The following ARHGAP28 variants were observed in gnomAD, a reference collection of about 807,000 sequenced individuals.
ARHGAP28 encodes the protein rho GTPase-activating protein 28.
ARHGAP28 carries 56 observed loss-of-function variants against 90.7 expected under a neutral mutation model. The ratio of observed to expected loss-of-function variants is 0.62; its 90% CI spans 0.50 to 0.77. The LOEUF is 0.77. ARHGAP28 is among the 30% of genes least tolerant of loss of function. The pLI, the probability that ARHGAP28 is intolerant of heterozygous loss-of-function variation, is 0.00. For synonymous variants in ARHGAP28, 308 were observed against 323.3 expected (o/e 0.95, Z 0.51); for missense variants, 869 against 900.9 (o/e 0.96, Z 0.45).
intron 2 of ARHGAP28, chr18:6,835,992 C>T (rs1173311221): frequency 2.0e-5 from 3 of 152,162 alleles, no homozygotes; most frequent in East Asian, 1.9e-4. Flanking sequence ...GATGGAGCTA[C>T]AGGGGATTTG....
chr18:6,775,189 A>T (rs1053087888), intron 1 of ARHGAP28, among the ~76,000 whole-genome samples: 5 of 151,590 alleles, frequency 3.3e-5, no homozygotes, highest in African/African-American at 9.7e-5. Flanking sequence ...GTCCTTTGTG[A>T]TGGGTTTGGT....
chr18:6,764,970 GA>G, intron 1 of ARHGAP28, among the ~76,000 whole-genome samples: 2 of 149,994 alleles, frequency 1.3e-5, no homozygotes, highest in Middle Eastern at 3.5e-3. Flanking sequence ...ACTTACACTG[GA>G]AAAAAAAAGA....
At chr18:6,801,633 A>T (rs1045927359) in intron 1 of ARHGAP28, among the ~76,000 whole-genome samples, 2 of 152,076 alleles carry the variant, frequency 1.3e-5, no homozygotes, top group Non-Finnish European at 2.9e-5. Context: ...GACTTTTAAA[A>T]TTTGCTATAT....
chr18:6,872,604 A>G (rs2057098921), intron 7 of ARHGAP28, among the ~76,000 whole-genome samples: 1 of 151,672 alleles, frequency 6.6e-6, no homozygotes, highest in Non-Finnish European at 1.5e-5. Flanking sequence ...TTTCAATACC[A>G]CTCTTTCTGA....
intron 16 of ARHGAP28, among the ~76,000 whole-genome samples, chr18:6,908,492 C>T (rs996163557): frequency 2.6e-5 from 4 of 152,180 alleles, no homozygotes; most frequent in African/African-American, 9.7e-5. Context: ...GCCTTAGACA[C>T]CTTGCAAAGC....
At chr18:6,841,388 A>G (rs1403398838) in intron 3 of ARHGAP28, among the ~76,000 whole-genome samples, 1 of 151,654 alleles carries the variant, frequency 6.6e-6, no homozygotes, top group African/African-American at 2.4e-5. Context: ...CAGTTTCATA[A>G]GGAGATTTTG....
At position 6,894,828 on chromosome 18, in the gene ARHGAP28, C is replaced by T; in HGVS notation, c.1849-7C>T. On this transcript the variant is annotated splice_polypyrimidine_tract_variant and splice_region_variant and intron_variant, in intron 14 of 17. Transcript: ENST00000383472. ...AACATTACTCCTAAAGACTGTGTTT[C>T]TTTTAGACTGCAAGCCCCAAGACTT... 1 of 1,613,684 alleles carries T rather than the reference C, an allele frequency of 6.2e-7. No homozygotes were observed. The highest frequency in any genetic ancestry group is 1.3e-5 in the African/African-American group (1 of 75,020).
In ARHGAP28 at chr18:6,729,720, C is replaced by G. The variant is rs1380130804; in HGVS notation, c.-102C>G. 7.8e-7 allele frequency: 1 copy of G among 1,282,066 alleles called. No homozygotes were observed. The highest frequency in any genetic ancestry group is 1.6e-5 in the African/African-American group (1 of 64,176). 79.4% of individuals were successfully genotyped at this position (1,282,066 alleles called of 1,614,324 possible). A position where few individuals can be genotyped will look rare whatever the true frequency, so the allele number is the denominator to read the frequency against. On this transcript the variant is annotated 5_prime_UTR_variant, in exon 1 of 18. Coordinates refer to ENST00000383472, the MANE Select transcript of ARHGAP28 (RefSeq NM_001366230.1). ...CGCGGGAGAGAGCGGCTGGTCGCAC[C>G]TCGGGCCGCGCCGCCCAGCTGCTGA...
At chr18:6,777,442 G>T (rs1343038732) in intron 1 of ARHGAP28, among the ~76,000 whole-genome samples, 2 of 152,192 alleles carry the variant, frequency 1.3e-5, no homozygotes, top group Non-Finnish European at 2.9e-5. Context: ...GATTTGCGAG[G>T]CTGGGCGTGG....
At chr18:6,779,281 T>G (rs148298269) in intron 1 of ARHGAP28, among the ~76,000 whole-genome samples, 18 of 152,276 alleles carry the variant, frequency 1.2e-4, no homozygotes, top group Admixed American at 3.3e-4. Context: ...ATTGCAGTAT[T>G]AAGATAGATA....
chr18:6,879,164 G>T (rs2057157416), intron 10 of ARHGAP28, among the ~76,000 whole-genome samples: 1 of 152,142 alleles, frequency 6.6e-6, no homozygotes, highest in South Asian at 2.1e-4. Context: ...CCAATTTAAT[G>T]CTTTGGTTGG....
At position 6,772,742 on chromosome 18, in the gene ARHGAP28, A is replaced by T. The variant is rs536212616; in HGVS notation, c.122+42799A>T. Reference sequence around the variant, plus strand: ...TGGGTTTTATTTTTTTTTATTTTTTATTTTTTTTTGAGACGGAGTTTCGCT... The same window carrying T: ...TGGGTTTTATTTTTTTTTATTTTTTTTTTTTTTTTGAGACGGAGTTTCGCT... On this transcript the variant is annotated intron_variant, in intron 1 of 17. Transcript: ENST00000383472. 1.6e-4 allele frequency among the ~76,000 whole-genome samples: 24 copies of T among 148,900 alleles called. No individual in the cohort carries two copies. In the East Asian group the frequency reaches 3.5e-3, roughly 22 times the overall value.
intron 4 of ARHGAP28, among the ~76,000 whole-genome samples, chr18:6,857,677 G>A (rs941181086): frequency 6.6e-6 from 1 of 152,172 alleles, no homozygotes; most frequent in African/African-American, 2.4e-5. Flanking sequence ...GCAGGAGGAT[G>A]ATAGGATTCA....
chr18:6,816,594 G>A (rs1005492855), intron 1 of ARHGAP28, among the ~76,000 whole-genome samples: 2 of 152,180 alleles, frequency 1.3e-5, no homozygotes, highest in Non-Finnish European at 2.9e-5. Flanking sequence ...CTCTAGTAGA[G>A]GGAAGGCGAA....
chr18:6,881,006 A>G (rs894586813), intron 10 of ARHGAP28, among the ~76,000 whole-genome samples: 1 of 152,210 alleles, frequency 6.6e-6, no homozygotes, highest in African/African-American at 2.4e-5. Flanking sequence ...AAGTATTCCT[A>G]TAAGATTGAA....
At chr18:6,886,802 G>A (rs191988796) in intron 11 of ARHGAP28, among the ~76,000 whole-genome samples, 19 of 152,254 alleles carry the variant, frequency 1.2e-4, no homozygotes, top group African/African-American at 4.6e-4. Context: ...CTCATTATAT[G>A]GAAGCAAGGT....
At chr18:6,907,907 C>CA (rs1555637336) in intron 16 of ARHGAP28, among the ~76,000 whole-genome samples, 2 of 152,030 alleles carry the variant, frequency 1.3e-5, no homozygotes, top group East Asian at 1.9e-4. Flanking sequence ...AAAACAACAA[C>CA]AAAAAAAGAG....
intron 5 of ARHGAP28, among the ~76,000 whole-genome samples, chr18:6,863,279 T>C (rs2057012399): frequency 6.6e-6 from 1 of 151,968 alleles, no homozygotes; most frequent in Admixed American, 6.6e-5. Context: ...ATTGTTTTAA[T>C]CAGGAATGGA....
chr18:6,849,061 G>C (rs1047942164), intron 3 of ARHGAP28, among the ~76,000 whole-genome samples: 1 of 151,162 alleles, frequency 6.6e-6, no homozygotes, highest in African/African-American at 2.4e-5. Flanking sequence ...ACCAGCCTGG[G>C]TGAAAAAGCG....
Sources: gnomAD v4.1 joint callset for allele counts (sites outside exome capture counted in the v4.1 genomes callset) on GRCh38, gnomAD v4.1.1 for gene constraint, MANE v1.5 for transcripts, NCBI Gene and HGNC (gene_info 2026-07-23, HGNC 2026-07-21) for gene names.